HIVEP3: variants seen among roughly 807,000 people sequenced by gnomAD.
HIVEP3 encodes the protein HIVEP zinc finger 3.
A neutral mutation model predicts 152.8 loss-of-function variants in HIVEP3; 49 were observed. That is an observed-to-expected ratio of 0.32 (90% CI 0.26 to 0.41). The LOEUF (loss-of-function observed/expected upper bound fraction) is 0.41. Ranked by LOEUF, HIVEP3 falls within the 10% of genes least tolerant of loss-of-function variation. HIVEP3 has a pLI of 1.00. For missense variants in HIVEP3, 2,790 were observed against 3,103.3 expected (o/e 0.90, Z 2.40); for synonymous variants, 1,269 against 1,289.0 (o/e 0.98, Z 0.33).
At chr1:41,605,944 T>A (rs1175582503) in intron 3 of HIVEP3, among the ~76,000 whole-genome samples, 1 of 152,200 alleles carries the variant, frequency 6.6e-6, no homozygotes, top group Non-Finnish European at 1.5e-5. Context: ...ATCTGATGTC[T>A]GGAATGGTAG....
intron 5 of HIVEP3, among the ~76,000 whole-genome samples, chr1:41,539,766 C>T (rs1643483415): frequency 6.6e-6 from 1 of 152,190 alleles, no homozygotes; most frequent in Non-Finnish European, 1.5e-5. Flanking sequence ...TTTATGAACA[C>T]TTCTTCTTCT....
At chr1:41,686,145 C>T (rs2124099581) in intron 2 of HIVEP3, among the ~76,000 whole-genome samples, 1 of 152,224 alleles carries the variant, frequency 6.6e-6, no homozygotes, top group South Asian at 2.1e-4. Flanking sequence ...AATCTCAGCC[C>T]ACTACAACCT....
intron 1 of HIVEP3, among the ~76,000 whole-genome samples, chr1:41,989,126 A>T (rs1050142155): frequency 2.6e-5 from 4 of 152,164 alleles, no homozygotes; most frequent in African/African-American, 9.6e-5. Flanking sequence ...GGGAAGAATG[A>T]GTTCAAGATA....
intron 1 of HIVEP3, among the ~76,000 whole-genome samples, chr1:42,007,843 T>C (rs1012648862): frequency 6.6e-6 from 1 of 152,010 alleles, no homozygotes; most frequent in African/African-American, 2.4e-5. Context: ...TACGGAAGAG[T>C]AGAGATGTCT....
At chr1:41,882,306 C>G (rs987839659) in intron 1 of HIVEP3, among the ~76,000 whole-genome samples, 1 of 152,184 alleles carries the variant, frequency 6.6e-6, no homozygotes, top group Non-Finnish European at 1.5e-5. Flanking sequence ...AAGACTGCCC[C>G]TATGTCTGCC....
At chr1:41,886,429 C>A (rs550955936) in intron 1 of HIVEP3, among the ~76,000 whole-genome samples, 1 of 151,962 alleles carries the variant, frequency 6.6e-6, no homozygotes, top group African/African-American at 2.4e-5. Flanking sequence ...ATATACAGAG[C>A]GGTCCGGGTG....
chr1:41,758,847 C>T (rs560144171), intron 1 of HIVEP3, among the ~76,000 whole-genome samples: 72 of 152,300 alleles, frequency 4.7e-4, no homozygotes, highest in African/African-American at 1.7e-3. Context: ...TTAGACACCT[C>T]CCTTTTAGGA....
At chr1:41,594,427 C>T (rs1253690938) in intron 3 of HIVEP3, among the ~76,000 whole-genome samples, 1 of 151,908 alleles carries the variant, frequency 6.6e-6, no homozygotes, top group Non-Finnish European at 1.5e-5. Context: ...TTCACCATGG[C>T]GGCCAGACTG....
At chr1:41,620,040 A>G (rs925925760) in intron 3 of HIVEP3, among the ~76,000 whole-genome samples, 22 of 152,266 alleles carry the variant, frequency 1.4e-4, no homozygotes, top group South Asian at 8.3e-4. Flanking sequence ...TCCTTTGAAT[A>G]TCTGTTGAAT....
At chr1:42,003,697 G>A (rs924643010) in intron 1 of HIVEP3, among the ~76,000 whole-genome samples, 16 of 151,774 alleles carry the variant, frequency 1.1e-4, no homozygotes, top group African/African-American at 3.9e-4. Flanking sequence ...CCTTTCTAAA[G>A]AAGGATCACA....
At chr1:41,681,714 G>A (rs1646041752) in intron 2 of HIVEP3, among the ~76,000 whole-genome samples, 1 of 152,216 alleles carries the variant, frequency 6.6e-6, no homozygotes, top group Non-Finnish European at 1.5e-5. Flanking sequence ...ATGGGCAAGT[G>A]ATCCAGTGGG....
At chr1:41,557,120 TC>T in intron 5 of HIVEP3, among the ~76,000 whole-genome samples, 1 of 152,308 alleles carries the variant, frequency 6.6e-6, no homozygotes, top group South Asian at 2.1e-4. Flanking sequence ...GGTCCCTTGC[TC>T]TTCATCTGCT....
At chr1:41,523,844 A>C (rs1642828278) in intron 6 of HIVEP3, among the ~76,000 whole-genome samples, 1 of 152,166 alleles carries the variant, frequency 6.6e-6, no homozygotes, top group Non-Finnish European at 1.5e-5. Flanking sequence ...GGAATCTATC[A>C]AGCTCCAGAG....
chr1:41,535,379 G>C (rs1285983798), intron 5 of HIVEP3: 2 of 152,258 alleles, frequency 1.3e-5, no homozygotes, highest in Non-Finnish European at 2.9e-5. Flanking sequence ...TGGGGATATA[G>C]TCCTGCTTGC....
chr1:41,521,291 T>C (rs1469528447), intron 6 of HIVEP3, among the ~76,000 whole-genome samples: 2 of 152,206 alleles, frequency 1.3e-5, no homozygotes, highest in Non-Finnish European at 1.5e-5. Flanking sequence ...CCACGCACCA[T>C]GCTGGGTGTG....
chr1:41,717,880 G>A (rs368373408), intron 1 of HIVEP3, among the ~76,000 whole-genome samples: 7 of 152,220 alleles, frequency 4.6e-5, no homozygotes, highest in East Asian at 1.9e-4. Flanking sequence ...CTGACTGAGC[G>A]CCTAGCTCAC....
intron 2 of HIVEP3, among the ~76,000 whole-genome samples, chr1:41,683,642 C>T (rs1450384747): frequency 6.6e-6 from 1 of 152,174 alleles, no homozygotes; most frequent in Admixed American, 6.5e-5. Context: ...GGGAGGAAGC[C>T]CACAATGGCT....
chr1:41,915,780 C>A (rs779827337), intron 1 of HIVEP3, among the ~76,000 whole-genome samples: 2 of 152,194 alleles, frequency 1.3e-5, no homozygotes, highest in Non-Finnish European at 2.9e-5. Context: ...GTTACACCTA[C>A]TTTACAGATA....
intron 5 of HIVEP3, among the ~76,000 whole-genome samples, chr1:41,532,939 G>A (rs920531306): frequency 3.9e-5 from 6 of 152,174 alleles, no homozygotes; most frequent in Admixed American, 3.9e-4. Flanking sequence ...AGAACAAATG[G>A]CACCCCAAAC....
Sources: allele counts gnomAD v4.1 joint callset (sites outside exome capture counted in the v4.1 genomes callset), GRCh38; gene constraint gnomAD v4.1.1; transcripts MANE v1.5; gene names NCBI Gene and HGNC (gene_info 2026-07-23, HGNC 2026-07-21).